KIF6: variants seen among roughly 807,000 people sequenced by gnomAD.
KIF6 encodes kinesin family member 6, also known as kinesin-like protein KIF6.
In KIF6, 106 loss-of-function variants were observed where a neutral mutation model predicts 112.7. That is an observed-to-expected ratio of 0.94 (90% CI 0.80 to 1.11). The LOEUF (loss-of-function observed/expected upper bound fraction) is 1.11, where lower values mean the gene tolerates loss of function less well. Ranked by LOEUF, KIF6 falls within the 50% of genes least tolerant of loss-of-function variation. KIF6 has a pLI of 0.00. For synonymous variants in KIF6, 339 were observed against 339.9 expected (o/e 1.00, Z 0.03); for missense variants, 929 against 964.0 (o/e 0.96, Z 0.48).
intron 13 of KIF6, among the ~76,000 whole-genome samples, chr6:39,537,403 G>A (rs1485989324): frequency 2.0e-5 from 3 of 152,172 alleles, no homozygotes; most frequent in African/African-American, 7.2e-5. Context: ...AAAATCACAA[G>A]CATTCCTATA....
chr6:39,593,170 C>A (rs1782046007), intron 7 of KIF6, among the ~76,000 whole-genome samples: 2 of 152,136 alleles, frequency 1.3e-5, no homozygotes. Flanking sequence ...TCACAGCACC[C>A]AGTAAACATT....
chr6:39,352,924 C>T (rs1241477885), intron 19 of KIF6, among the ~76,000 whole-genome samples: 3 of 152,152 alleles, frequency 2.0e-5, no homozygotes, highest in African/African-American at 7.2e-5. Context: ...AATAATATTC[C>T]ACGGTTTGTT....
chr6:39,456,866 T>C (rs879388869), intron 13 of KIF6, among the ~76,000 whole-genome samples: 147 of 150,544 alleles, frequency 9.8e-4, no homozygotes, highest in Non-Finnish European at 1.8e-3. Flanking sequence ...CCCAGATTCA[T>C]AAAGCAAGTC....
chr6:39,587,083 A>G (rs1781678836), intron 7 of KIF6, among the ~76,000 whole-genome samples: 1 of 152,086 alleles, frequency 6.6e-6, no homozygotes, highest in South Asian at 2.1e-4. Context: ...TGCTCACCTT[A>G]CTCTTCATGA....
rs1762779441 is a variant in KIF6, at chr6:39,332,576, T to C, written c.*3956A>G. 6.6e-6 allele frequency: 1 copy of C among 152,232 alleles called. No individual in the cohort carries two copies. Among genetic ancestry groups the C allele is most frequent in the Admixed American group, 6.5e-5 (1 of 15,280 alleles). The allele number at this position is 152,232 out of a possible 1,614,324, so 9.4% of individuals were successfully genotyped here. On this transcript the variant is annotated 3_prime_UTR_variant, in exon 23 of 23. Coordinates refer to ENST00000287152, the MANE Select transcript of KIF6 (RefSeq NM_145027.6). ...ACCTTATGTGTCTCTATACAATGAC[T>C]GTTTTGGGAGGTTTCTCCACTCTGG...
chr6:39,557,578 T>TA lies in KIF6; in HGVS notation c.1182-11891dup, dbSNP rs536418533. ...TGTAATCTCTCCTTGAATTTAACAATAAAAAAGTAAACCTAATAAAAGTCC... is the reference window on the plus strand; with the variant it reads ...TGTAATCTCTCCTTGAATTTAACAATAAAAAAAGTAAACCTAATAAAAGTCC... On this transcript the variant is annotated intron_variant, in intron 10 of 22. Transcript: ENST00000287152. Among the ~76,000 whole-genome samples, 918 of 152,166 alleles carry TA rather than the reference T, an allele frequency of 6.0e-3. 12 individuals carry two copies. The highest frequency in any genetic ancestry group is 0.021 in the African/African-American group (869 of 41,542).
intron 17 of KIF6, 45 bp downstream of exon 17, chr6:39,362,389 C>T (rs193088109): frequency 2.0e-5 from 29 of 1,469,018 alleles, no homozygotes; most frequent in Non-Finnish European, 2.6e-5. Flanking sequence ...CACTGAGACC[C>T]TGGGAGGCTG....
At chr6:39,668,196 CG>C (rs1371847955) in intron 3 of KIF6, among the ~76,000 whole-genome samples, 4 of 152,204 alleles carry the variant, frequency 2.6e-5, no homozygotes, top group Non-Finnish European at 5.9e-5. Flanking sequence ...TAGCCTCAGG[CG>C]TTCCTTTTTA....
chr6:39,390,216 T>G lies in KIF6; in HGVS notation c.1811-4544A>C, dbSNP rs544814269. Among the ~76,000 whole-genome samples the G allele has an allele frequency of 3.2e-3, 492 of 152,232 alleles. 2 individuals carry two copies. Among genetic ancestry groups the G allele is most frequent in the African/African-American group, 0.011 (476 of 41,516 alleles). On this transcript the variant is annotated intron_variant, in intron 15 of 22. Coordinates refer to ENST00000287152, the MANE Select transcript of KIF6 (RefSeq NM_145027.6). ...ATATCTGCTTTGCTATATCTCAAGA[T>G]CTTTCAGAGGAGCAAGGGATAACGC... is the stretch of plus-strand genomic sequence containing the variant.
chr6:39,451,298 G>A (rs141692475), intron 13 of KIF6, among the ~76,000 whole-genome samples: 9 of 152,176 alleles, frequency 5.9e-5, no homozygotes, highest in Non-Finnish European at 7.3e-5. Context: ...AAGAGATGAC[G>A]AAAAGTAAGA....
intron 15 of KIF6, among the ~76,000 whole-genome samples, chr6:39,409,311 T>C (rs979886470): frequency 6.6e-6 from 1 of 152,196 alleles, no homozygotes; most frequent in African/African-American, 2.4e-5. Context: ...TTGAAGTCCC[T>C]GGCCACCCTT....
chr6:39,575,369 G>A (rs550351604), intron 10 of KIF6, among the ~76,000 whole-genome samples: 1 of 151,350 alleles, frequency 6.6e-6, no homozygotes, highest in Non-Finnish European at 1.5e-5. Flanking sequence ...CTCCCGGGTT[G>A]ACGCCATTCT....
At chr6:39,523,645 C>CATATAT (rs56952665) in intron 13 of KIF6, among the ~76,000 whole-genome samples, 15 of 32,528 alleles carry the variant, frequency 4.6e-4, no homozygotes, top group South Asian at 2.7e-3. Context: ...TTAATTCTGC[C>CATATAT]ATATATATAT....
At chr6:39,568,573 G>A (rs1780452224) in intron 10 of KIF6, among the ~76,000 whole-genome samples, 1 of 151,016 alleles carries the variant, frequency 6.6e-6, no homozygotes, top group Non-Finnish European at 1.5e-5. Context: ...AATTTGAGAT[G>A]GAGTCTTGCT....
chr6:39,355,589 G>T (rs367776482), intron 19 of KIF6, among the ~76,000 whole-genome samples: 39 of 147,420 alleles, frequency 2.6e-4, no homozygotes, highest in African/African-American at 9.8e-4. Flanking sequence ...TCAGCCTCCC[G>T]AGTGGCTGAG....
At chr6:39,406,409 C>T (rs1769094667) in intron 15 of KIF6, among the ~76,000 whole-genome samples, 1 of 152,134 alleles carries the variant, frequency 6.6e-6, no homozygotes, top group South Asian at 2.1e-4. Flanking sequence ...TTCAAAGAAC[C>T]AGTTTCGGTT....
At chr6:39,473,144 C>T (rs748023882) in intron 13 of KIF6, among the ~76,000 whole-genome samples, 10 of 152,002 alleles carry the variant, frequency 6.6e-5, no homozygotes, top group Non-Finnish European at 1.2e-4. Flanking sequence ...CCTGGGCCTC[C>T]CAAAGTGCTG....
intron 3 of KIF6, among the ~76,000 whole-genome samples, chr6:39,672,425 TG>T (rs1163973536): frequency 9.9e-5 from 15 of 152,226 alleles, no homozygotes; most frequent in Non-Finnish European, 1.8e-4. Context: ...AACAATTATT[TG>T]TTGAAAATTT....
chr6:39,711,200 A>G (rs1789531798), intron 3 of KIF6, among the ~76,000 whole-genome samples: 1 of 150,458 alleles, frequency 6.6e-6, no homozygotes, highest in Non-Finnish European at 1.5e-5. Flanking sequence ...CATGAAAAAA[A>G]AATCCTTACC....
Sources: allele counts gnomAD v4.1 joint callset (sites outside exome capture counted in the v4.1 genomes callset), GRCh38; gene constraint gnomAD v4.1.1; transcripts MANE v1.5; gene names NCBI Gene and HGNC (gene_info 2026-07-23, HGNC 2026-07-21).